Variants in CNTNAP5 observed in about 807,000 individuals in gnomAD.
CNTNAP5 encodes contactin-associated protein-like 5.
CNTNAP5 carries 72 observed loss-of-function variants against 150.2 expected under a neutral mutation model. That is an observed-to-expected ratio of 0.48 (90% CI 0.40 to 0.58). The LOEUF is 0.58. Ranked by LOEUF, CNTNAP5 falls within the 20% of genes least tolerant of loss-of-function variation. CNTNAP5 has a pLI of 0.00. For synonymous variants in CNTNAP5, 672 were observed against 619.8 expected (o/e 1.08, Z -1.25); for missense variants, 1,636 against 1,626.2 (o/e 1.01, Z -0.10).
intron 1 of CNTNAP5, among the ~76,000 whole-genome samples, chr2:124,186,914 G>A (rs1685346887): frequency 6.6e-6 from 1 of 152,148 alleles, no homozygotes; most frequent in African/African-American, 2.4e-5. Flanking sequence ...GAGTGCTCCT[G>A]GGTCTTACAT....
At chr2:124,554,409 C>T (rs1419556256) in intron 10 of CNTNAP5, among the ~76,000 whole-genome samples, 2 of 144,404 alleles carry the variant, frequency 1.4e-5, no homozygotes, top group African/African-American at 5.0e-5. Flanking sequence ...AATCAGTTGT[C>T]TCATACTTTT....
intron 1 of CNTNAP5, among the ~76,000 whole-genome samples, chr2:124,169,314 G>T (rs1015145556): frequency 6.6e-6 from 1 of 151,984 alleles, no homozygotes; most frequent in Non-Finnish European, 1.5e-5. Flanking sequence ...GATGCTCTGC[G>T]CAGCTATCCA....
At chr2:124,434,111 G>A (rs1273671343) in intron 4 of CNTNAP5, among the ~76,000 whole-genome samples, 2 of 152,156 alleles carry the variant, frequency 1.3e-5, no homozygotes, top group Admixed American at 1.3e-4. Flanking sequence ...AGGAGATCAA[G>A]TGGTTCTGAC....
intron 12 of CNTNAP5, among the ~76,000 whole-genome samples, chr2:124,614,686 A>T (rs1175299618): frequency 1.3e-5 from 2 of 152,038 alleles, no homozygotes; most frequent in African/African-American, 2.4e-5. Flanking sequence ...AGTGAGGATG[A>T]CCAGAGGTCA....
At chr2:124,469,564 T>G (rs550050330) in intron 6 of CNTNAP5, among the ~76,000 whole-genome samples, 4 of 152,092 alleles carry the variant, frequency 2.6e-5, no homozygotes, top group Admixed American at 2.6e-4. Context: ...TTTTCTTTTT[T>G]TTTACATTTT....
intron 11 of CNTNAP5, among the ~76,000 whole-genome samples, chr2:124,565,603 T>C (rs1211261410): frequency 5.1e-5 from 1 of 19,634 alleles, no homozygotes; most frequent in Non-Finnish European, 1.1e-4. Flanking sequence ...TTTTTTTTTT[T>C]TTTTTTTTTT....
intron 1 of CNTNAP5, among the ~76,000 whole-genome samples, chr2:124,186,454 C>T (rs1458049579): frequency 6.6e-6 from 1 of 152,162 alleles, no homozygotes; most frequent in Non-Finnish European, 1.5e-5. Flanking sequence ...TATACAAACA[C>T]ATATGCATGT....
intron 19 of CNTNAP5, among the ~76,000 whole-genome samples, chr2:124,811,933 C>T (rs1471048964): frequency 6.3e-5 from 8 of 126,332 alleles, no homozygotes; most frequent in African/African-American, 1.8e-4. Context: ...AAAGACCAAA[C>T]CTCCATCTCA....
rs142037518 is a variant in CNTNAP5, at chr2:124,631,602, C to T, written c.1877-16156C>T. Among the ~76,000 whole-genome samples, 742 of 152,256 alleles carry T rather than the reference C, an allele frequency of 4.9e-3. 6 individuals are homozygous for T. The highest frequency in any genetic ancestry group is 6.9e-3 in the Non-Finnish European group (466 of 68,018). Reference sequence around the variant, plus strand: ...ATGGATTAAAGACTTAAGGGCATAACCCAAAGCTAACAAACCCTAGAAGAG... The same window carrying T: ...ATGGATTAAAGACTTAAGGGCATAATCCAAAGCTAACAAACCCTAGAAGAG... On this transcript the variant is annotated intron_variant, in intron 12 of 23. Transcript: ENST00000682447.
At chr2:124,523,176 A>G (rs1372668560) in intron 8 of CNTNAP5, among the ~76,000 whole-genome samples, 1 of 152,174 alleles carries the variant, frequency 6.6e-6, no homozygotes, top group Non-Finnish European at 1.5e-5. Flanking sequence ...GACTGCCCAC[A>G]TATGATTGAA....
intron 1 of CNTNAP5, among the ~76,000 whole-genome samples, chr2:124,207,448 G>A (rs1023267452): frequency 5.9e-5 from 9 of 152,204 alleles, no homozygotes; most frequent in African/African-American, 1.9e-4. Context: ...AAAGTACAAT[G>A]TTGGGGGGAT....
At chr2:124,479,434 T>C (rs1375858685) in intron 7 of CNTNAP5, among the ~76,000 whole-genome samples, 1 of 152,174 alleles carries the variant, frequency 6.6e-6, no homozygotes, top group African/African-American at 2.4e-5. Context: ...GGTCTCAAAA[T>C]ATTTTCCTTT....
intron 1 of CNTNAP5, among the ~76,000 whole-genome samples, chr2:124,203,055 CT>C (rs1402478612): frequency 6.6e-6 from 1 of 152,078 alleles, no homozygotes; most frequent in Non-Finnish European, 1.5e-5. Context: ...AGGCAAGTCC[CT>C]TTTGCCTATA....
intron 1 of CNTNAP5, among the ~76,000 whole-genome samples, chr2:124,048,319 A>G (rs1030273784): frequency 2.0e-5 from 3 of 152,170 alleles, no homozygotes; most frequent in African/African-American, 7.2e-5. Flanking sequence ...TCCTGTCAGT[A>G]AAATGTGAGT....
chr2:124,620,944 C>A (rs78552518), intron 12 of CNTNAP5, among the ~76,000 whole-genome samples: 3 of 151,952 alleles, frequency 2.0e-5, no homozygotes, highest in East Asian at 1.9e-4. Flanking sequence ...CCTTTGCCAG[C>A]GATAGAAATA....
At chr2:124,512,922 C>T (rs750702422) in intron 8 of CNTNAP5, among the ~76,000 whole-genome samples, 5 of 152,156 alleles carry the variant, frequency 3.3e-5, no homozygotes, top group African/African-American at 4.8e-5. Flanking sequence ...AATATGTCAT[C>T]CTGTAGCTAT....
intron 1 of CNTNAP5, among the ~76,000 whole-genome samples, chr2:124,168,384 A>C (rs1166750495): frequency 6.6e-6 from 1 of 152,170 alleles, no homozygotes; most frequent in African/African-American, 2.4e-5. Context: ...GTATTTTCTT[A>C]GCATGGGTTT....
chr2:124,100,864 C>CAAAA (rs60441145), intron 1 of CNTNAP5, among the ~76,000 whole-genome samples: 2 of 88,028 alleles, frequency 2.3e-5, no homozygotes, highest in African/African-American at 4.1e-5. Context: ...GACTCTGTCT[C>CAAAA]AAAAAAAAAA....
In CNTNAP5 at chr2:124,744,916, C is replaced by T. The variant is rs985889319; in HGVS notation, c.2078-2313C>T. ...AAGGGAAAATCTAGCAATAATCCTC[C>T]GGTTTTCATATATAGATACATAATT... On this transcript the variant is annotated intron_variant, in intron 13 of 23. Coordinates refer to ENST00000682447, the MANE Select transcript of CNTNAP5 (RefSeq NM_001367498.1). 2.3e-4 allele frequency among the ~76,000 whole-genome samples: 35 copies of T among 152,118 alleles called. 1 individual carries two copies. Among genetic ancestry groups the T allele is most frequent in the South Asian group, 2.1e-4 (1 of 4,826 alleles).
Sources: gnomAD v4.1 joint callset for allele counts (sites outside exome capture counted in the v4.1 genomes callset) on GRCh38, gnomAD v4.1.1 for gene constraint, MANE v1.5 for transcripts, NCBI Gene and HGNC (gene_info 2026-07-23, HGNC 2026-07-21) for gene names.